SINHCAF: variants seen among roughly 807,000 people sequenced by gnomAD.
SINHCAF encodes the protein SIN3-HDAC complex-associated factor.
In SINHCAF, 3 loss-of-function variants were observed where a neutral mutation model predicts 25.8. That is an observed-to-expected ratio of 0.12 (90% CI 0.05 to 0.30). SINHCAF has a LOEUF of 0.30. SINHCAF is among the 10% of genes least tolerant of loss of function. The pLI is 1.00. For missense variants in SINHCAF, 121 were observed against 262.3 expected (o/e 0.46, Z 3.72); for synonymous variants, 70 against 85.5 (o/e 0.82, Z 1.00).
intron 1 of SINHCAF, among the ~76,000 whole-genome samples, chr12:31,317,321 C>T (rs1003974514): frequency 6.6e-6 from 1 of 150,724 alleles, no homozygotes; most frequent in Non-Finnish European, 1.5e-5. Flanking sequence ...TTCTAAAAAT[C>T]AACTGGCCTA....
intron 4 of SINHCAF, among the ~76,000 whole-genome samples, chr12:31,291,204 T>A (rs1938297485): frequency 6.6e-6 from 1 of 152,196 alleles, no homozygotes; most frequent in South Asian, 2.1e-4. Flanking sequence ...CTAGGAATTC[T>A]CAACCATATT....
At chr12:31,285,416 CAT>C (rs572248741) in intron 5 of SINHCAF, among the ~76,000 whole-genome samples, 69 of 119,380 alleles carry the variant, frequency 5.8e-4, no homozygotes, top group African/African-American at 2.0e-3. Flanking sequence ...TATATATATA[CAT>C]ACACACACAC....
rs191115863 is a variant in SINHCAF, at chr12:31,322,047, T to C, written c.-21+3977A>G. ...CAGATATACAGAATTAAGAATACTG[T>C]GCAAGGACAGACAGACTTGGGGCCT... On this transcript the variant is annotated intron_variant, in intron 1 of 5. Transcript: ENST00000337682. 1.0e-3 allele frequency among the ~76,000 whole-genome samples: 154 copies of C among 151,982 alleles called. 2 individuals carry two copies. The highest frequency in any genetic ancestry group is 8.2e-3 in the Admixed American group (125 of 15,278).
chr12:31,314,451 G>A (rs534715470), intron 1 of SINHCAF, among the ~76,000 whole-genome samples: 9 of 152,176 alleles, frequency 5.9e-5, no homozygotes, highest in Admixed American at 1.3e-4. Context: ...GCGCGAACCC[G>A]GGAGGCGGAG....
rs147003302 is a variant in SINHCAF at position 31,301,101 on chromosome 12, G to A, written c.-20-2877C>T. 9.3e-3 allele frequency among the ~76,000 whole-genome samples: 1,411 copies of A among 152,260 alleles called. 22 individuals carry two copies. Among genetic ancestry groups the A allele is most frequent in the African/African-American group, 0.032 (1,315 of 41,564 alleles). On this transcript the variant is annotated intron_variant, in intron 1 of 5. Coordinates refer to ENST00000337682, the MANE Select transcript of SINHCAF (RefSeq NM_001135812.2). ...CACTGAGGTTGGATTTGACCAAGACGCCATAGTTTGTGCCAGTTACCACAC... is the reference window on the plus strand; with the variant it reads ...CACTGAGGTTGGATTTGACCAAGACACCATAGTTTGTGCCAGTTACCACAC...
chr12:31,317,968 G>A (rs1939554019), intron 1 of SINHCAF, among the ~76,000 whole-genome samples: 1 of 152,152 alleles, frequency 6.6e-6, no homozygotes, highest in African/African-American at 2.4e-5. Context: ...CATGATGATG[G>A]GAAAGGAAAA....
chr12:31,287,109 C>A (rs1938113266), intron 5 of SINHCAF, among the ~76,000 whole-genome samples: 1 of 152,070 alleles, frequency 6.6e-6, no homozygotes, highest in African/African-American at 2.4e-5. Flanking sequence ...AGATTATCTC[C>A]GTTTTTCACT....
At chr12:31,290,298 C>T (rs1432058771) in intron 4 of SINHCAF, among the ~76,000 whole-genome samples, 1 of 152,028 alleles carries the variant, frequency 6.6e-6, no homozygotes, top group Non-Finnish European at 1.5e-5. Flanking sequence ...TGCACTACCA[C>T]ACCCAACTAA....
chr12:31,299,190 A>G (rs1217044169), intron 1 of SINHCAF, among the ~76,000 whole-genome samples: 1 of 152,234 alleles, frequency 6.6e-6, no homozygotes, highest in Non-Finnish European at 1.5e-5. Context: ...CCGGACTAAG[A>G]GAGGTGATGA....
chr12:31,282,113 G>C lies in SINHCAF; in HGVS notation c.*599C>G, dbSNP rs1379508778. The C allele has an allele frequency of 6.6e-6, 1 of 151,968 alleles. No homozygotes were observed. Among genetic ancestry groups the C allele is most frequent in the African/African-American group, 2.4e-5 (1 of 41,116 alleles). The allele number at this position is 151,968 out of a possible 1,614,324, so 9.4% of individuals were successfully genotyped here. Reference sequence around the variant, plus strand: ...GCCCCAACCACTGCTTCTCAAAACAGAAAGACTAAAAACTACATACAGTTT... The same window carrying C: ...GCCCCAACCACTGCTTCTCAAAACACAAAGACTAAAAACTACATACAGTTT... On this transcript the variant is annotated 3_prime_UTR_variant, in exon 6 of 6. Transcript: ENST00000337682.
At chr12:31,305,786 G>A (rs1050133655) in intron 1 of SINHCAF, among the ~76,000 whole-genome samples, 1 of 146,484 alleles carries the variant, frequency 6.8e-6, no homozygotes, top group African/African-American at 2.5e-5. Flanking sequence ...TGCAACCTCC[G>A]CCTGCCAGGT....
chr12:31,287,956 AAAGAAGTG>A (rs1336321848), intron 4 of SINHCAF, among the ~76,000 whole-genome samples, 172 bp from the exon 5 acceptor site: 17 of 152,332 alleles, frequency 1.1e-4, no homozygotes, highest in African/African-American at 4.1e-4. Context: ...CGTGTTTTTT[AAAGAAGTG>A]AAGAAGATGG....
intron 1 of SINHCAF, among the ~76,000 whole-genome samples, chr12:31,307,223 A>T (rs1283023262): frequency 6.6e-6 from 1 of 152,176 alleles, no homozygotes; most frequent in African/African-American, 2.4e-5. Context: ...TCACAGTCCA[A>T]GTATACCGTC....
At chr12:31,291,655 TC>T (rs1309452789) in intron 4 of SINHCAF, among the ~76,000 whole-genome samples, 5 of 152,012 alleles carry the variant, frequency 3.3e-5, no homozygotes, top group Admixed American at 6.5e-5. Flanking sequence ...TCCCAGCTAC[TC>T]GGGAGGCTGA....
At chr12:31,298,355 GGAA>G in intron 1 of SINHCAF, 131 bp from the exon 2 acceptor site, 3 of 969,962 alleles carry the variant, frequency 3.1e-6, no homozygotes, top group Non-Finnish European at 4.8e-6. Context: ...GCAGCTCAAG[GGAA>G]GACCTCCTGG....
chr12:31,305,785 C>T (rs994942287), intron 1 of SINHCAF, among the ~76,000 whole-genome samples: 2 of 151,490 alleles, frequency 1.3e-5, no homozygotes, highest in African/African-American at 2.4e-5. Context: ...CTGCAACCTC[C>T]GCCTGCCAGG....
intron 4 of SINHCAF, 132 bp downstream of exon 4, chr12:31,293,673 A>G: frequency 1.5e-6 from 1 of 684,832 alleles, no homozygotes; most frequent in South Asian, 2.3e-5. Context: ...ATCTCTACCA[A>G]GTCAACGTTG....
At chr12:31,287,947 G>C (rs1938146545) in intron 4 of SINHCAF, among the ~76,000 whole-genome samples, 163 bp from the exon 5 acceptor site, 1 of 152,042 alleles carries the variant, frequency 6.6e-6, no homozygotes, top group African/African-American at 2.4e-5. Flanking sequence ...TCAGACTAAC[G>C]TGTTTTTTAA....
chr12:31,305,279 G>A (rs1592976198), intron 1 of SINHCAF, among the ~76,000 whole-genome samples: 1 of 152,188 alleles, frequency 6.6e-6, no homozygotes, highest in African/African-American at 2.4e-5. Flanking sequence ...CCAGGTTGGA[G>A]GTCATGACCA....
Sources: allele counts gnomAD v4.1 joint callset (sites outside exome capture counted in the v4.1 genomes callset), GRCh38; gene constraint gnomAD v4.1.1; transcripts MANE v1.5; gene names NCBI Gene and HGNC (gene_info 2026-07-23, HGNC 2026-07-21).